Variants in LMF1 observed in about 807,000 individuals in gnomAD.
LMF1 encodes the protein lipase maturation factor 1.
LMF1 carries 68 observed loss-of-function variants against 60.6 expected under a neutral mutation model. The observed-to-expected ratio is 1.12, with a 90% CI of 0.92 to 1.37. LMF1 has a LOEUF of 1.37. LMF1 is among the 40% of genes most tolerant of loss of function. LMF1 has a pLI of 0.00. For missense variants in LMF1, 948 were observed against 767.2 expected (o/e 1.24, Z -2.78); for synonymous variants, 418 against 324.7 (o/e 1.29, Z -3.09).
intron 5 of LMF1, among the ~76,000 whole-genome samples, chr16:891,317 C>T (rs575029854): frequency 6.6e-6 from 1 of 152,368 alleles, no homozygotes; most frequent in South Asian, 2.1e-4. Flanking sequence ...AGAGCAGCCA[C>T]ATTCACTGAA....
At chr16:859,074 C>T (rs375255171) in intron 10 of LMF1, among the ~76,000 whole-genome samples, 3 of 80,436 alleles carry the variant, frequency 3.7e-5, no homozygotes, top group Admixed American at 1.3e-4. Context: ...TGTCACGGGA[C>T]GGGTGTGAGT....
intron 2 of LMF1, among the ~76,000 whole-genome samples, chr16:952,328 T>C (rs4470148): frequency 0.48 from 71,978 of 151,138 alleles, 18,843 homozygotes; most frequent in African/African-American, 0.7. Flanking sequence ...ACAGGTGCCC[T>C]GATGCCAGCT....
At chr16:976,371 C>T (rs561411470) in intron 1 of LMF1, 1 of 454,130 alleles carries the variant, frequency 2.2e-6, no homozygotes, top group South Asian at 1.6e-5. Context: ...TGGCGTCAGA[C>T]AGCACCCTCC....
chr16:975,030 C>T (rs1017891812), upstream of LMF1, among the ~76,000 whole-genome samples: 11 of 152,206 alleles, frequency 7.2e-5, no homozygotes, highest in Non-Finnish European at 1.6e-4. Context: ...CCCCACCCCC[C>T]ACGTGAGGCT....
At chr16:858,895 T>G (rs1292442817) in intron 10 of LMF1, among the ~76,000 whole-genome samples, 11 of 87,440 alleles carry the variant, frequency 1.3e-4, no homozygotes, top group African/African-American at 5.0e-4. Context: ...GGGTGTGCAG[T>G]GGTGTCTCGG....
chr16:875,906 C>A (rs557570354), intron 6 of LMF1, among the ~76,000 whole-genome samples: 4 of 152,210 alleles, frequency 2.6e-5, no homozygotes, highest in African/African-American at 9.6e-5. Flanking sequence ...GACCCCAGGA[C>A]CGCATGGCTG....
chr16:884,949 G>A (rs2070264529), intron 5 of LMF1: 1 of 152,194 alleles, frequency 6.6e-6, no homozygotes, highest in African/African-American at 2.4e-5. Flanking sequence ...TTAGGTGGAG[G>A]GAGAATGATC....
chr16:903,945 C>A (rs2070895230), intron 4 of LMF1: 1 of 150,198 alleles, frequency 6.7e-6, no homozygotes. Flanking sequence ...CCACAGGACG[C>A]CTGTCTCTGC....
chr16:873,320 G>A (rs1014225173), intron 6 of LMF1: 1 of 152,290 alleles, frequency 6.6e-6, no homozygotes, highest in Non-Finnish European at 1.5e-5. Flanking sequence ...CGCCGGCGGA[G>A]TCCTCACAAG....
chr16:973,934 C>T (rs1332733656), upstream of LMF1, among the ~76,000 whole-genome samples: 7 of 148,992 alleles, frequency 4.7e-5, no homozygotes, highest in African/African-American at 9.9e-5. Context: ...GACGTGAACG[C>T]GGGGGCTGGA....
At chr16:952,075 G>A (rs1488125772) in intron 2 of LMF1, among the ~76,000 whole-genome samples, 2 of 152,224 alleles carry the variant, frequency 1.3e-5, no homozygotes, top group Non-Finnish European at 2.9e-5. Context: ...TGTGTGCGTG[G>A]AGGGGTCCTG....
chr16:866,518 T>G (rs572873946), intron 10 of LMF1, among the ~76,000 whole-genome samples: 1 of 152,266 alleles, frequency 6.6e-6, no homozygotes, highest in East Asian at 1.9e-4. Context: ...GAGTCCAGGC[T>G]CCTCGTGTGG....
At chr16:896,855 G>C (rs1201968020) in intron 4 of LMF1, among the ~76,000 whole-genome samples, 2 of 152,238 alleles carry the variant, frequency 1.3e-5, no homozygotes, top group African/African-American at 4.8e-5. Context: ...TCTTTCAGGA[G>C]TGGAGGATAA....
At chr16:936,171 A>G in intron 2 of LMF1, among the ~76,000 whole-genome samples, 1 of 134,892 alleles carries the variant, frequency 7.4e-6, no homozygotes, top group East Asian at 2.3e-4. Context: ...TGGGAGACAG[A>G]GGGGGCACCG....
At chr16:857,342 G>C (rs1567131870) in intron 10 of LMF1, among the ~76,000 whole-genome samples, 1 of 152,264 alleles carries the variant, frequency 6.6e-6, no homozygotes, top group Non-Finnish European at 1.5e-5. Flanking sequence ...TACCCTCCCA[G>C]CAACAGCCGA....
chr16:965,752 T>C (rs1421756415), intron 1 of LMF1, among the ~76,000 whole-genome samples: 1 of 152,108 alleles, frequency 6.6e-6, no homozygotes, highest in Non-Finnish European at 1.5e-5. Context: ...GCAGTATCTG[T>C]CCTGCTGGGC....
rs183326718 is a variant in LMF1 at position 935,618 on chromosome 16, G to T, written c.504-1364C>A. ...GTTTTAAGAAAGTTTATGAATTTGT[G>T]TTGGGTCTCATTCAAAGCCATCCTG... On this transcript the variant is annotated intron_variant, in intron 2 of 10. Transcript: ENST00000262301. Among the ~76,000 whole-genome samples, 81 of 151,566 alleles carry T rather than the reference G, an allele frequency of 5.3e-4. 1 individual carries two copies. The highest frequency in any genetic ancestry group is 8.8e-4 in the Non-Finnish European group (60 of 67,954).
intron 2 of LMF1, chr16:952,593 C>T (rs1215709385): frequency 2.0e-5 from 3 of 153,542 alleles, no homozygotes; most frequent in Admixed American, 1.3e-4. Context: ...AGCCTTCCAT[C>T]CTGGGACAGG....
rs72759456 is a variant in LMF1, at chr16:910,792, C to T, written c.663+139G>A. On this transcript the variant is annotated intron_variant, in intron 4 of 10. Coordinates refer to ENST00000262301, the MANE Select transcript of LMF1 (RefSeq NM_022773.4). Reference sequence around the variant, plus strand: ...AGGCCCCTGAAGGGGCAGAAGAGTGCGCAGCTGGCCAGGCCAGGCCGACAG... The same window carrying T: ...AGGCCCCTGAAGGGGCAGAAGAGTGTGCAGCTGGCCAGGCCAGGCCGACAG... The T allele has an allele frequency of 8.4e-3, 8,776 of 1,039,908 alleles. 76 individuals carry two copies. The highest frequency in any genetic ancestry group is 0.036 in the African/African-American group (2,219 of 62,338). 64.4% of individuals were successfully genotyped at this position (1,039,908 alleles called of 1,614,324 possible). A position where few individuals can be genotyped will look rare whatever the true frequency, so the allele number is the denominator to read the frequency against.
Sources: gnomAD v4.1 joint callset for allele counts (sites outside exome capture counted in the v4.1 genomes callset) on GRCh38, gnomAD v4.1.1 for gene constraint, MANE v1.5 for transcripts, NCBI Gene and HGNC (gene_info 2026-07-23, HGNC 2026-07-21) for gene names.